Variants in KLB observed in about 807,000 individuals in gnomAD.
The protein encoded by KLB is klotho beta.
In KLB, 44 loss-of-function variants were observed where a neutral mutation model predicts 88.4. That is an observed-to-expected ratio of 0.50 (90% CI 0.39 to 0.64). KLB has a LOEUF of 0.64. Ranked by LOEUF, KLB falls within the 30% of genes least tolerant of loss-of-function variation. The pLI is 0.00. For synonymous variants in KLB, 548 were observed against 513.4 expected (o/e 1.07, Z -0.91); for missense variants, 1,137 against 1,304.8 (o/e 0.87, Z 1.98).
At chr4:39,448,080 G>C (rs1231222207) in intron 4 of KLB, among the ~76,000 whole-genome samples, 1 of 152,086 alleles carries the variant, frequency 6.6e-6, no homozygotes, top group Non-Finnish European at 1.5e-5. Flanking sequence ...ATTATTTATG[G>C]ATCAAGTTTC....
rs1473764740 is a variant in KLB at position 39,436,054 on chromosome 4, CCTT to C, written c.1336+1337_1336+1339del. 2.0e-5 allele frequency among the ~76,000 whole-genome samples: 3 copies of C among 152,302 alleles called. No individual in the cohort carries two copies. The East Asian group carries it at 5.8e-4, about 29-fold the overall frequency. On this transcript the variant is annotated intron_variant, in intron 2 of 4. Coordinates refer to ENST00000257408, the MANE Select transcript of KLB (RefSeq NM_175737.4). ...TTTGGCCCCCACTTAGCCCCTCACT[CCTT>C]CTCTATTACTCAAGTAGTGACATCT...
At chr4:39,428,341 T>C (rs1743265796) in intron 1 of KLB, among the ~76,000 whole-genome samples, 1 of 151,070 alleles carries the variant, frequency 6.6e-6, no homozygotes, top group Admixed American at 6.6e-5. Context: ...GGCAGAAGAA[T>C]CGCTTCAACC....
At chr4:39,435,568 G>C (rs1278303975) in intron 2 of KLB, among the ~76,000 whole-genome samples, 2 of 152,120 alleles carry the variant, frequency 1.3e-5, no homozygotes, top group Non-Finnish European at 2.9e-5. Flanking sequence ...TGGGATTACA[G>C]GTGTCTGCCA....
In KLB at chr4:39,437,995, G is replaced by C. The variant is rs1743518540; in HGVS notation, c.1605G>C (p.Lys535Asn). The change falls in exon 3 of 5, where the codon AAG becomes AAC. Residue 535 changes from lysine (K) to asparagine (N), a missense_variant and splice_region_variant. Physicochemically the swap from Lys to Asn is moderately conservative, Grantham distance 94. Around this residue, in one of 4 missense-constraint regions of KLB, gnomAD observed 597 missense variants for 765.2 expected, o/e 0.78. Transcript: ENST00000257408. ...GGGGTGTCACTGAATCTGTTCTTAA[G>C]GTAAGTGGTTACTTCCAAATTAACC... ...FSWGVTESVL[K>N]PESVASSPQF... The C allele has an allele frequency of 6.2e-7, 1 of 1,609,528 alleles. No homozygotes were observed. Among genetic ancestry groups the C allele is most frequent in the Admixed American group, 1.7e-5 (1 of 59,426 alleles).
chr4:39,424,016 G>A (rs1354347293), intron 1 of KLB, among the ~76,000 whole-genome samples: 1 of 151,610 alleles, frequency 6.6e-6, no homozygotes, highest in Non-Finnish European at 1.5e-5. Flanking sequence ...ATAAATAAAT[G>A]AGCATTTATT....
Position 39,447,136 on chromosome 4 carries a change from C to T in KLB, c.2410C>T (p.Pro804Ser), listed in dbSNP as rs1256363071. 6.2e-7 allele frequency: 1 copy of T among 1,613,484 alleles called. No homozygotes were observed. Among genetic ancestry groups the T allele is most frequent in the Non-Finnish European group, 8.5e-7 (1 of 1,180,036 alleles). ...ACGGGGGCTTTCCAGCTCGGCCCTG[C>T]CGCGCCTCACCGAGGCCGAAAGGAG... ...HRRGLSSSAL[P>S]RLTEAERRLL... The change falls in exon 4 of 5, where the codon CCG becomes TCG. Residue 804 changes from proline to serine, a missense_variant. By Grantham distance (74) the Pro-to-Ser change is moderately conservative. Transcript: ENST00000257408.
intron 1 of KLB, among the ~76,000 whole-genome samples, chr4:39,416,140 G>A (rs1742959637): frequency 6.9e-6 from 1 of 144,562 alleles, no homozygotes; most frequent in South Asian, 2.1e-4. Flanking sequence ...CACACACACA[G>A]GCTAAACATT....
chr4:39,419,039 A>G (rs541138874), intron 1 of KLB, among the ~76,000 whole-genome samples: 1 of 152,248 alleles, frequency 6.6e-6, no homozygotes, highest in East Asian at 1.9e-4. Flanking sequence ...ATAAATTATG[A>G]AAACTGCTTG....
chr4:39,414,871 GAAAAAAA>G lies in KLB; in HGVS notation c.825+7110_825+7116del, dbSNP rs1009834880. On this transcript the variant is annotated intron_variant, in intron 1 of 4. Transcript: ENST00000257408. ...GTAACAGAGCAAGACTCTGTCTCAGGAAAAAAAAAAAAAAAAAAAGCAAAATTCAACT... is the reference window on the plus strand; with the variant it reads ...GTAACAGAGCAAGACTCTGTCTCAGGAAAAAAAAAAAAGCAAAATTCAACT... 3.4e-4 allele frequency among the ~76,000 whole-genome samples: 17 copies of G among 50,296 alleles called. No homozygotes were observed. In the South Asian group the frequency reaches 3.9e-3, roughly 12 times the overall value. 33.0% of individuals were successfully genotyped at this position (50,296 alleles called of 152,430 possible).
intron 1 of KLB, among the ~76,000 whole-genome samples, chr4:39,423,649 G>A (rs1743135675): frequency 6.6e-6 from 1 of 151,686 alleles, no homozygotes; most frequent in South Asian, 2.1e-4. Context: ...GGTACGTCAA[G>A]TAACCAACAA....
chr4:39,420,034 A>T (rs1743047896), intron 1 of KLB, among the ~76,000 whole-genome samples: 1 of 152,046 alleles, frequency 6.6e-6, no homozygotes, highest in Non-Finnish European at 1.5e-5. Flanking sequence ...GCTGAAAAGT[A>T]GTAGGGAAGC....
intron 1 of KLB, among the ~76,000 whole-genome samples, chr4:39,427,299 A>G (rs1243002876): frequency 6.6e-6 from 1 of 152,154 alleles, no homozygotes; most frequent in East Asian, 1.9e-4. Flanking sequence ...CCTGGCCAAC[A>G]GGGTGAAACC....
chr4:39,408,016 C>T (rs567355357), intron 1 of KLB, among the ~76,000 whole-genome samples: 30 of 152,230 alleles, frequency 2.0e-4, no homozygotes, highest in Non-Finnish European at 4.1e-4. Context: ...TTAAATCTAC[C>T]ATTATACACT....
At chr4:39,418,037 A>T (rs1743001227) in intron 1 of KLB, among the ~76,000 whole-genome samples, 2 of 152,284 alleles carry the variant, frequency 1.3e-5, no homozygotes, top group East Asian at 1.9e-4. Context: ...GTCTCAGCAG[A>T]TATTTTACTT....
rs1185450523 is a variant in KLB, at chr4:39,434,402, T to C, written c.1018T>C (p.Tyr340His). 3 of 1,614,060 alleles carry C rather than the reference T, an allele frequency of 1.9e-6. No individual in the cohort carries two copies. In the East Asian group the frequency reaches 6.7e-5, roughly 36 times the overall value. ...CAACCCTATCCATGGGGATGGCGACTATCCAGAGGGGATGAGAAAGAAGTT... is the reference window on the plus strand; with the variant it reads ...CAACCCTATCCATGGGGATGGCGACCATCCAGAGGGGATGAGAAAGAAGTT... ...FANPIHGDGDYPEGMRKKLFS... is the reference protein window; with the variant it reads ...FANPIHGDGDHPEGMRKKLFS... The change falls in exon 2 of 5, where the codon TAT (tyrosine) becomes CAT (histidine). Residue 340 changes from tyrosine to histidine, a missense_variant. Transcript: ENST00000257408.
chr4:39,418,115 C>G (rs1743002486), intron 1 of KLB, among the ~76,000 whole-genome samples: 2 of 152,178 alleles, frequency 1.3e-5, no homozygotes, highest in South Asian at 4.1e-4. Flanking sequence ...ATCTATGAAC[C>G]ATTTATCCCC....
In KLB at chr4:39,446,932, G is replaced by A; in HGVS notation, c.2206G>A (p.Gly736Arg). ...YDRQFRPSQR[G>R]AVSLSLHADW... ...CCGGCAGTTCAGGCCCTCACAGCGC[G>A]GGGCCGTGTCGCTGTCGCTGCACGC... The change falls in exon 4 of 5, where the codon GGG becomes AGG. Residue 736 changes from glycine (G) to arginine (R), a missense_variant. By Grantham distance (125) the Gly-to-Arg change is moderately radical. This residue lies in a region of KLB where 426 missense variants were observed against 404.6 expected (regional missense o/e 1.05). Transcript: ENST00000257408. This position sits in a 1 kb window ranked among gnomAD's most constrained non-coding sequence, Gnocchi z 6.4. 4 of 1,604,598 alleles carry A rather than the reference G, an allele frequency of 2.5e-6. No homozygotes were observed. The highest frequency in any genetic ancestry group is 3.4e-6 in the Non-Finnish European group (4 of 1,178,810).
chr4:39,450,297 A>G lies in KLB; in HGVS notation c.*1611A>G, dbSNP rs939155984. The G allele has an allele frequency of 6.6e-6, 1 of 152,214 alleles. No homozygotes were observed. The highest frequency in any genetic ancestry group is 2.4e-5 in the African/African-American group (1 of 41,460). The allele number at this position is 152,214 out of a possible 1,614,324, so 9.4% of individuals were successfully genotyped here. A position where few individuals can be genotyped will look rare whatever the true frequency, so the allele number is the denominator to read the frequency against. On this transcript the variant is annotated 3_prime_UTR_variant, in exon 5 of 5. Transcript: ENST00000257408. ...TACATTAATTTGTCCTTGTCTGCTC[A>G]CTCCAGCAATTTAGACCTTAACAGT...
chr4:39,445,850 T>A (rs1197560812), intron 3 of KLB, among the ~76,000 whole-genome samples: 1 of 152,026 alleles, frequency 6.6e-6, no homozygotes. Context: ...GTTAGAAATT[T>A]GCATTCAGCA....
Sources: gnomAD v4.1 joint callset for allele counts (sites outside exome capture counted in the v4.1 genomes callset) on GRCh38, gnomAD v4.1.1 for gene constraint, gnomAD v4.1.1 regional missense constraint, Gnocchi (gnomAD v3.1) non-coding constraint, MANE v1.5 for transcripts, NCBI Gene and HGNC (gene_info 2026-07-23, HGNC 2026-07-21) for gene names.